The following C6 variants were observed in gnomAD, a reference collection of about 807,000 sequenced individuals.
C6 encodes complement component C6.
In C6, 101 loss-of-function variants were observed where a neutral mutation model predicts 112.9. The ratio of observed to expected loss-of-function variants is 0.89; its 90% CI spans 0.76 to 1.06. The LOEUF (loss-of-function observed/expected upper bound fraction) is 1.06, where lower values mean the gene tolerates loss of function less well. Among genes scored for constraint, C6 ranks in the 50% least tolerant of loss-of-function variants. C6 has a pLI of 0.00. For synonymous variants in C6, 431 were observed against 384.1 expected (o/e 1.12, Z -1.43); for missense variants, 1,202 against 1,104.6 (o/e 1.09, Z -1.25).
chr5:41,164,052 A>G (rs1747768138), intron 9 of C6, among the ~76,000 whole-genome samples: 1 of 150,942 alleles, frequency 6.6e-6, no homozygotes, highest in South Asian at 2.1e-4. Context: ...GTATATAAAT[A>G]TGCTAGCAAG....
At chr5:41,228,290 A>C (rs1357400324) in intron 1 of C6, among the ~76,000 whole-genome samples, 1 of 152,044 alleles carries the variant, frequency 6.6e-6, no homozygotes, top group African/African-American at 2.4e-5. Context: ...AAATACTATG[A>C]TATTTTAAAT....
At chr5:41,196,060 G>T (rs1750594761) in intron 4 of C6, 127 bp from the exon 5 acceptor site, 2 of 1,035,786 alleles carry the variant, frequency 1.9e-6, no homozygotes, top group African/African-American at 3.2e-5. Flanking sequence ...GTTTTTGATA[G>T]AGTTTTAGGG....
intron 1 of C6, among the ~76,000 whole-genome samples, chr5:41,256,850 G>A (rs1157300613): frequency 6.6e-6 from 1 of 152,088 alleles, no homozygotes; most frequent in Non-Finnish European, 1.5e-5. Context: ...AGGAACAATT[G>A]CCTCATGGTG....
chr5:41,201,028 T>C (rs1287050056), intron 3 of C6, among the ~76,000 whole-genome samples: 1 of 151,246 alleles, frequency 6.6e-6, no homozygotes, highest in Non-Finnish European at 1.5e-5. Flanking sequence ...TATATGTAAA[T>C]ACTTATCATA....
intron 5 of C6, among the ~76,000 whole-genome samples, chr5:41,188,175 G>C (rs564861181): frequency 6.6e-6 from 1 of 152,106 alleles, no homozygotes; most frequent in Non-Finnish European, 1.5e-5. Flanking sequence ...TGGATTGGCA[G>C]AATTTGTGTT....
At chr5:41,216,807 C>T (rs560140358), upstream of C6, among the ~76,000 whole-genome samples, 769 of 152,190 alleles carry the variant, frequency 5.1e-3, 6 homozygotes, top group Middle Eastern at 0.014. Flanking sequence ...GTAATTTCTT[C>T]TAATCTACTC....
chr5:41,256,428 T>TAAA (rs1335317746), intron 1 of C6, among the ~76,000 whole-genome samples: 3 of 35,892 alleles, frequency 8.4e-5, no homozygotes, highest in African/African-American at 2.5e-4. Flanking sequence ...TAAAGTATAA[T>TAAA]TAAAAAAAAA....
At chr5:41,182,092 C>G (rs928798452) in intron 6 of C6, among the ~76,000 whole-genome samples, 3 of 152,134 alleles carry the variant, frequency 2.0e-5, no homozygotes, top group Non-Finnish European at 2.9e-5. Context: ...CAGTGCTGAT[C>G]AACTCTTGAT....
intron 17 of C6, among the ~76,000 whole-genome samples, chr5:41,148,345 T>C (rs1045741578): frequency 6.6e-6 from 1 of 152,128 alleles, no homozygotes; most frequent in South Asian, 2.1e-4. Context: ...CAGCAATATA[T>C]AGAATAACAT....
rs1001147874 is a variant in C6 at position 41,142,716 on chromosome 5, G to T, written c.*109C>A. The T allele has an allele frequency of 1.1e-6, 1 of 873,148 alleles. No individual in the cohort carries two copies. The highest frequency in any genetic ancestry group is 1.9e-6 in the Non-Finnish European group (1 of 514,474). 54.1% of individuals were successfully genotyped at this position (873,148 alleles called of 1,614,324 possible). A position where few individuals can be genotyped will look rare whatever the true frequency, so the allele number is the denominator to read the frequency against. ...AACTAACAGAAAATAATTTTTGTCA[G>T]TAACTTTGAGCATGCCAGTCTGCTG... On this transcript the variant is annotated 3_prime_UTR_variant, in exon 18 of 18. Transcript: ENST00000337836.
At chr5:41,238,430 C>A (rs1184620900) in intron 1 of C6, among the ~76,000 whole-genome samples, 1 of 152,148 alleles carries the variant, frequency 6.6e-6, no homozygotes, top group Non-Finnish European at 1.5e-5. Context: ...TGCCACATAT[C>A]TCATTCTTTA....
At chr5:41,227,397 C>T (rs753687501) in intron 1 of C6, among the ~76,000 whole-genome samples, 23 of 151,794 alleles carry the variant, frequency 1.5e-4, no homozygotes, top group South Asian at 8.3e-4. Context: ...TCTCCTATTC[C>T]GTAGGTTGTC....
At chr5:41,226,136 A>G (rs533523998) in intron 1 of C6, among the ~76,000 whole-genome samples, 1 of 152,308 alleles carries the variant, frequency 6.6e-6, no homozygotes, top group Non-Finnish European at 1.5e-5. Context: ...TCTGCACAGC[A>G]AAAGAAACCA....
rs751612775 is a variant in C6 at position 41,195,931 on chromosome 5, G to T, written c.448C>A (p.Arg150Ser). 1 of 1,613,630 alleles carries T rather than the reference G, an allele frequency of 6.2e-7. No individual in the cohort carries two copies. Among genetic ancestry groups the T allele is most frequent in the East Asian group, 2.2e-5 (1 of 44,842 alleles). ...CATTCTAACTTTCTGGCAATGCAGC[G>T]GCCTAGTCAAGAAAAGCAAACAAAA... is the stretch of plus-strand genomic sequence containing the variant. ...CKNKFRCDSG[R>S]CIARKLECNG... Residue 150 changes from arginine (R) to serine (S), a missense_variant and splice_region_variant, in exon 5 of 18, where the codon CGC (arginine) becomes AGC (serine). Arg to Ser is a moderately radical substitution (Grantham distance 110). Coordinates refer to ENST00000337836, the MANE Select transcript of C6 (RefSeq NM_000065.5).
At chr5:41,152,104 A>G (rs915956588) in intron 15 of C6, among the ~76,000 whole-genome samples, 2 of 152,176 alleles carry the variant, frequency 1.3e-5, no homozygotes, top group African/African-American at 2.4e-5. Flanking sequence ...TTAATCAAGT[A>G]ATTATAATAA....
chr5:41,201,524 T>C, intron 3 of C6, 34 bp downstream of exon 3: 1 of 1,604,004 alleles, frequency 6.2e-7, no homozygotes, highest in Non-Finnish European at 8.5e-7. Context: ...TCTATTGTGA[T>C]TCATATTTCC....
At chr5:41,210,369 G>A (rs1217375811) in intron 1 of C6, among the ~76,000 whole-genome samples, 2 of 152,154 alleles carry the variant, frequency 1.3e-5, no homozygotes, top group Non-Finnish European at 2.9e-5. Flanking sequence ...TGACAAATGG[G>A]ATCTAATTAA....
At position 41,186,090 on chromosome 5, in the gene C6, G is replaced by A. The variant is rs755404217; in HGVS notation, c.706C>T (p.Leu236=). ...TSNPYRVPAN[L]ENVGFEVQTA... ...CATACCTCAAAGCCGACATTTTCCA[G>A]ATTGGCCGGAACACGGTATGGATTA... Residue 236 remains leucine, a synonymous_variant, in exon 6 of 18, where the codon CTG becomes TTG. Transcript: ENST00000337836. 1 of 1,613,966 alleles carries A rather than the reference G, an allele frequency of 6.2e-7. No homozygotes were observed. Among genetic ancestry groups the A allele is most frequent in the Non-Finnish European group, 8.5e-7 (1 of 1,179,932 alleles).
At chr5:41,258,879 T>C (rs1343868546) in intron 1 of C6, among the ~76,000 whole-genome samples, 2 of 152,142 alleles carry the variant, frequency 1.3e-5, no homozygotes, top group Non-Finnish European at 2.9e-5. Flanking sequence ...GATTCACTTA[T>C]TGTCATGAGA....
Sources: allele counts gnomAD v4.1 joint callset (sites outside exome capture counted in the v4.1 genomes callset), GRCh38; gene constraint gnomAD v4.1.1; transcripts MANE v1.5; gene names NCBI Gene and HGNC (gene_info 2026-07-23, HGNC 2026-07-21).